Variants in ATP10B observed in about 807,000 individuals in gnomAD.
ATP10B encodes the protein phospholipid-transporting ATPase VB.
A neutral mutation model predicts 141.2 loss-of-function variants in ATP10B; 122 were observed. The observed-to-expected ratio is 0.86, with a 90% CI of 0.75 to 1.00. The LOEUF (loss-of-function observed/expected upper bound fraction) is 1.00. Ranked by LOEUF, ATP10B falls within the 50% of genes least tolerant of loss-of-function variation. ATP10B has a pLI of 0.00. For missense variants in ATP10B, 1,876 were observed against 1,825.3 expected (o/e 1.03, Z -0.51); for synonymous variants, 685 against 692.0 (o/e 0.99, Z 0.16).
chr5:160,568,575 AGAGAGTG>A (rs1168699754), intron 25 of ATP10B, among the ~76,000 whole-genome samples: 1 of 152,162 alleles, frequency 6.6e-6, no homozygotes, highest in Non-Finnish European at 1.5e-5. Flanking sequence ...CTCTGACTAG[AGAGAGTG>A]GGCTGCGGAA....
Position 160,634,523 on chromosome 5 carries a change from C to A in ATP10B, c.1212G>T (p.Leu404=). 6.2e-7 allele frequency: 1 copy of A among 1,614,170 alleles called. No individual in the cohort carries two copies. The highest frequency in any genetic ancestry group is 8.5e-7 in the Non-Finnish European group (1 of 1,180,022). ...QVFFLSNDLD[L]YDEETDLSIQ... is the part of the protein sequence containing the mutation. ...TGGATAAATCGGTCTCTTCATCATA[C>A]AGGTCAAGGTCATTGCTCAAGAAGA... Residue 404 remains leucine (L), a synonymous_variant, in exon 12 of 26, where the codon CTG becomes CTT. Transcript: ENST00000327245.
At chr5:160,852,906 T>TAAAA (rs33971292), upstream of ATP10B, among the ~76,000 whole-genome samples, 4 of 151,744 alleles carry the variant, frequency 2.6e-5, no homozygotes, top group South Asian at 6.3e-4. Flanking sequence ...TTAAGGGTAG[T>TAAAA]AAAAAAAAGA....
chr5:160,761,639 C>A (rs973962488), intron 2 of ATP10B, among the ~76,000 whole-genome samples: 1 of 152,082 alleles, frequency 6.6e-6, no homozygotes, highest in Non-Finnish European at 1.5e-5. Context: ...TGAGAAGGGA[C>A]CAGAAAAGTA....
Position 160,632,182 on chromosome 5 carries a change from A to G in ATP10B, c.1567T>C (p.Ser523Pro), listed in dbSNP as rs776541073. Residue 523 changes from serine to proline, a missense_variant, in exon 13 of 26, where the codon TCT becomes CCT. By Grantham distance (74) the Ser-to-Pro change is moderately conservative. Transcript: ENST00000327245. ...TGTGAGCTTTCACGGTGCCCCATAG[A>G]CCTTTGCCGGTAGTGGCCCTGGATG... Reference protein sequence around the residue: ...VPIQGHYRQRSMGHRESSQPP... With the variant: ...VPIQGHYRQRPMGHRESSQPP... The G allele has an allele frequency of 1.9e-6, 3 of 1,614,152 alleles. No individual in the cohort carries two copies. Among genetic ancestry groups the G allele is most frequent in the Non-Finnish European group, 2.5e-6 (3 of 1,180,024 alleles).
intron 9 of ATP10B, 87 bp downstream of exon 9, chr5:160,644,051 A>G: frequency 9.4e-7 from 1 of 1,067,134 alleles, no homozygotes. Flanking sequence ...TACTGTGAAC[A>G]GTTGTTGGTT....
intron 11 of ATP10B, 49 bp from the exon 12 acceptor site, chr5:160,634,655 C>T: frequency 6.5e-7 from 1 of 1,546,254 alleles, no homozygotes; most frequent in Non-Finnish European, 8.7e-7. Flanking sequence ...AGGTTCCCTC[C>T]CTTGGGATCC....
chr5:160,599,957 T>C (rs1015218429), intron 21 of ATP10B, among the ~76,000 whole-genome samples: 1 of 152,228 alleles, frequency 6.6e-6, no homozygotes, highest in Admixed American at 6.5e-5. Context: ...AACTCCTATT[T>C]CTGAACTGCT....
chr5:160,784,382 A>G (rs1370491008), intron 2 of ATP10B, among the ~76,000 whole-genome samples: 1 of 152,190 alleles, frequency 6.6e-6, no homozygotes, highest in African/African-American at 2.4e-5. Context: ...TATCTAAAAA[A>G]CTAATTTTTA....
At chr5:160,685,597 G>A (rs1043826042) in intron 6 of ATP10B, among the ~76,000 whole-genome samples, 1 of 152,104 alleles carries the variant, frequency 6.6e-6, no homozygotes, top group Non-Finnish European at 1.5e-5. Context: ...TCTTGGTTTG[G>A]GAGACACTGC....
Position 160,718,874 on chromosome 5 carries a change from A to G in ATP10B, c.-330-1840T>C, listed in dbSNP as rs548430655. ...TGGTAGGGACAAACCAAACCCTAGT[A>G]ACCCTCTAGAGTGCTCCTCGTGAAC... On this transcript the variant is annotated intron_variant, in intron 2 of 25. Coordinates refer to ENST00000327245, the MANE Select transcript of ATP10B (RefSeq NM_025153.3). 5.3e-5 allele frequency among the ~76,000 whole-genome samples: 8 copies of G among 152,294 alleles called. No individual in the cohort carries two copies. In the South Asian group the frequency reaches 1.7e-3, roughly 32 times the overall value.
intron 2 of ATP10B, among the ~76,000 whole-genome samples, chr5:160,744,490 G>T (rs1460847405): frequency 6.6e-6 from 1 of 152,180 alleles, no homozygotes; most frequent in Non-Finnish European, 1.5e-5. Flanking sequence ...GAGGAAGATT[G>T]CAGGCAGCGG....
intron 2 of ATP10B, among the ~76,000 whole-genome samples, chr5:160,785,103 GACAA>G (rs1359400344): frequency 1.3e-5 from 2 of 152,092 alleles, no homozygotes; most frequent in Non-Finnish European, 2.9e-5. Context: ...TGATGAAAGA[GACAA>G]CCCACTGAAG....
upstream of ATP10B, among the ~76,000 whole-genome samples, chr5:160,853,236 T>C (rs775752754): frequency 1.1e-4 from 17 of 152,190 alleles, no homozygotes; most frequent in Non-Finnish European, 2.1e-4. Flanking sequence ...ATTCTCCATC[T>C]GCTAAAGAGA....
chr5:160,832,369 TATAA>T (rs1224197745), intron 1 of ATP10B, among the ~76,000 whole-genome samples: 1 of 152,134 alleles, frequency 6.6e-6, no homozygotes, highest in African/African-American at 2.4e-5. Flanking sequence ...CAAAATACTA[TATAA>T]ATACTCAAAA....
chr5:160,566,940 C>T (rs1298266341), intron 25 of ATP10B, among the ~76,000 whole-genome samples: 1 of 152,164 alleles, frequency 6.6e-6, no homozygotes, highest in Non-Finnish European at 1.5e-5. Context: ...GACCCCTCTA[C>T]CCCTGGCCAA....
chr5:160,872,313 C>T, the ATP10B span, among the ~76,000 whole-genome samples: 1 of 152,110 alleles, frequency 6.6e-6, no homozygotes, highest in Non-Finnish European at 1.5e-5. Context: ...AAGATTTTCT[C>T]CCACTCTGTG....
chr5:160,729,358 CCTTT>C (rs1338348814), intron 2 of ATP10B, among the ~76,000 whole-genome samples: 6 of 152,122 alleles, frequency 3.9e-5, no homozygotes, highest in Admixed American at 3.3e-4. Context: ...TGTCCTTCTG[CCTTT>C]CTTTCTTTTC....
At chr5:160,826,915 A>G (rs6887337) in intron 1 of ATP10B, among the ~76,000 whole-genome samples, 121,322 of 152,086 alleles carry the variant, frequency 0.8, 49,160 homozygotes, top group East Asian at 0.97. Context: ...CTCTGCTCTC[A>G]AACCCTGTTT....
chr5:160,911,540 G>A, the ATP10B span, among the ~76,000 whole-genome samples: 2 of 152,292 alleles, frequency 1.3e-5, no homozygotes, highest in Middle Eastern at 3.4e-3. Context: ...TCTAATCCTC[G>A]ACTTTGGTTT....
Sources: allele counts gnomAD v4.1 joint callset (sites outside exome capture counted in the v4.1 genomes callset), GRCh38; gene constraint gnomAD v4.1.1; transcripts MANE v1.5; gene names NCBI Gene and HGNC (gene_info 2026-07-23, HGNC 2026-07-21).